The following NSUN6 variants were observed in gnomAD, a reference collection of about 807,000 sequenced individuals.
The protein encoded by NSUN6 is NOP2/Sun RNA methyltransferase 6.
NSUN6 carries 64 observed loss-of-function variants against 58.0 expected under a neutral mutation model. That is an observed-to-expected ratio of 1.10 (90% confidence interval 0.90 to 1.36). The LOEUF is 1.36. Ranked by LOEUF, NSUN6 falls within the 40% of genes most tolerant of loss-of-function variation. The pLI is 0.00. For synonymous variants in NSUN6, 231 were observed against 193.9 expected, an observed-to-expected ratio of 1.19 and a Z score of -1.59; for missense variants, 701 against 550.1, an observed-to-expected ratio of 1.27 and a Z score of -2.74.
At chr10:18,598,681 C>G (rs1753384175) in intron 6 of NSUN6, among the ~76,000 whole-genome samples, 1 of 152,148 alleles carries the variant, frequency 6.6e-6, no homozygotes, top group African/African-American at 2.4e-5. Context: ...CCCAAGTTGC[C>G]CAGGATGGTC....
intron 3 of NSUN6, among the ~76,000 whole-genome samples, chr10:18,640,120 A>G (rs2059346617): frequency 6.6e-6 from 1 of 152,290 alleles, no homozygotes; most frequent in South Asian, 2.1e-4. Flanking sequence ...ATAATCGTGG[A>G]ACGATATCCA....
At chr10:18,556,297 A>AATG (rs1435924717) in intron 8 of NSUN6, among the ~76,000 whole-genome samples, 6 of 151,746 alleles carry the variant, frequency 4.0e-5, no homozygotes, top group Admixed American at 6.6e-5. Flanking sequence ...AATGGAATGC[A>AATG]CAGTGGAATG....
At chr10:18,614,674 TTA>T in intron 4 of NSUN6, 61 bp from the exon 5 acceptor site, 3 of 914,522 alleles carry the variant, frequency 3.3e-6, no homozygotes, top group Non-Finnish European at 4.6e-6. Flanking sequence ...ATCGTGAAAA[TTA>T]TTTGAGCTAG....
chr10:18,614,550 G>A lies in NSUN6; in HGVS notation c.485C>T (p.Ala162Val). Residue 162 changes from alanine to valine, a missense_variant, in exon 5 of 11, where the codon GCC becomes GTC. Transcript: ENST00000377304. ...SDIKGKCKKG[A>V]KEFDGTKVFL... The stretch of plus-strand genomic sequence containing the variant: ...TACTTTTGTTCCATCAAATTCTTTG[G>A]CTCCTTTCTTACATTTTCCTTTAAT... The A allele has an allele frequency of 6.6e-7, 1 of 1,520,892 alleles. No individual in the cohort carries two copies. Among genetic ancestry groups the A allele is most frequent in the Non-Finnish European group, 8.9e-7 (1 of 1,125,062 alleles). 94.2% of individuals were successfully genotyped at this position (1,520,892 alleles called of 1,614,324 possible). A position where few individuals can be genotyped will look rare whatever the true frequency, so the allele number is the denominator to read the frequency against.
At chr10:18,623,561 G>T (rs111318127) in intron 3 of NSUN6, among the ~76,000 whole-genome samples, 1 of 152,180 alleles carries the variant, frequency 6.6e-6, no homozygotes, top group African/African-American at 2.4e-5. Context: ...TAGTGGAAAA[G>T]AAATCAGAAT....
chr10:18,621,782 A>G (rs963490186), intron 3 of NSUN6, among the ~76,000 whole-genome samples: 2 of 152,222 alleles, frequency 1.3e-5, no homozygotes, highest in African/African-American at 4.8e-5. Context: ...CTGTTAAGGA[A>G]TCTAAAATCA....
At chr10:18,623,670 T>G (rs1439204135) in intron 3 of NSUN6, among the ~76,000 whole-genome samples, 1 of 152,172 alleles carries the variant, frequency 6.6e-6, no homozygotes, top group Non-Finnish European at 1.5e-5. Flanking sequence ...TTATTTTCTC[T>G]AACAAACCTG....
In NSUN6 at chr10:18,646,064, G is replaced by C. The variant is rs189059003; in HGVS notation, c.231+2426C>G. On this transcript the variant is annotated intron_variant, in intron 2 of 10. Coordinates refer to ENST00000377304, the MANE Select transcript of NSUN6 (RefSeq NM_182543.5). Reference sequence around the variant, plus strand: ...ATCAAAATTAGCCGAGCATTGTGGCGAGTGCATATAATCCCAGCTACTCGG... The same window carrying C: ...ATCAAAATTAGCCGAGCATTGTGGCCAGTGCATATAATCCCAGCTACTCGG... Among the ~76,000 whole-genome samples, 56 of 152,062 alleles carry C rather than the reference G, an allele frequency of 3.7e-4. 1 individual carries two copies. Among genetic ancestry groups the C allele is most frequent in the African/African-American group, 1.3e-3 (55 of 41,464 alleles).
chr10:18,614,634 G>GTGTA, intron 4 of NSUN6, 21 bp from the exon 5 acceptor site: 2 of 1,235,478 alleles, frequency 1.6e-6, no homozygotes, highest in Non-Finnish European at 2.2e-6. Context: ...AAGAAAATCA[G>GTGTA]ATTACACTGA....
intron 8 of NSUN6, among the ~76,000 whole-genome samples, chr10:18,560,568 G>A (rs867937492): frequency 1.3e-5 from 2 of 150,628 alleles, no homozygotes; most frequent in Admixed American, 6.7e-5. Context: ...TGAATAGAAT[G>A]GAATGGAGGA....
At chr10:18,561,870 G>C (rs1431106923) in intron 8 of NSUN6, among the ~76,000 whole-genome samples, 2 of 150,900 alleles carry the variant, frequency 1.3e-5, no homozygotes, top group Non-Finnish European at 3.0e-5. Context: ...GGCTGGAATG[G>C]AGAATGGAAT....
At chr10:18,553,868 G>A (rs916068755) in intron 8 of NSUN6, among the ~76,000 whole-genome samples, 2 of 149,764 alleles carry the variant, frequency 1.3e-5, no homozygotes, top group Non-Finnish European at 3.0e-5. Flanking sequence ...ATAGAATGAA[G>A]ATTGAACTGG....
chr10:18,625,384 A>G (rs1035725739), intron 3 of NSUN6, among the ~76,000 whole-genome samples: 14 of 152,280 alleles, frequency 9.2e-5, no homozygotes, highest in African/African-American at 2.9e-4. Context: ...GAAGACCTAT[A>G]TAACTGAAAA....
chr10:18,576,089 A>T (rs1256956656), intron 8 of NSUN6, among the ~76,000 whole-genome samples: 2 of 152,152 alleles, frequency 1.3e-5, no homozygotes, highest in Admixed American at 6.6e-5. Flanking sequence ...CCCCATCCAG[A>T]GTCATGGGCC....
intron 8 of NSUN6, among the ~76,000 whole-genome samples, chr10:18,581,381 C>A (rs1348565807): frequency 1.3e-5 from 2 of 152,160 alleles, no homozygotes; most frequent in East Asian, 3.9e-4. Context: ...ATGAAAGTGA[C>A]CTCTGGTGGT....
At chr10:18,619,472 G>T (rs896372847) in intron 3 of NSUN6, among the ~76,000 whole-genome samples, 1 of 152,090 alleles carries the variant, frequency 6.6e-6, no homozygotes, top group African/African-American at 2.4e-5. Context: ...CCTAAATTTA[G>T]AAGAAAGACC....
intron 5 of NSUN6, among the ~76,000 whole-genome samples, chr10:18,612,256 GA>G (rs946645803): frequency 2.0e-5 from 3 of 150,754 alleles, no homozygotes; most frequent in East Asian, 2.0e-4. Context: ...CCATTTCTAT[GA>G]AAAAAAAATT....
chr10:18,552,359 G>T (rs900295464), intron 8 of NSUN6, among the ~76,000 whole-genome samples: 1 of 149,656 alleles, frequency 6.7e-6, no homozygotes, highest in African/African-American at 2.4e-5. Context: ...ATGCCTGTTT[G>T]ACTGTTGTGA....
chr10:18,563,278 A>AGAATG (rs1234402416), intron 8 of NSUN6, among the ~76,000 whole-genome samples: 3 of 150,626 alleles, frequency 2.0e-5, no homozygotes, highest in Non-Finnish European at 3.0e-5. Flanking sequence ...AAGGGAATGG[A>AGAATG]GAATGGAATG....
Sources: gnomAD v4.1 joint callset for allele counts (sites outside exome capture counted in the v4.1 genomes callset) on GRCh38, gnomAD v4.1.1 for gene constraint, MANE v1.5 for transcripts, NCBI Gene and HGNC (gene_info 2026-07-23, HGNC 2026-07-21) for gene names.